Variants in IPO7 observed in about 807,000 individuals in gnomAD.
IPO7 encodes importin 7.
A neutral mutation model predicts 136.4 loss-of-function variants in IPO7; 13 were observed. The observed-to-expected ratio is 0.10, with a 90% CI of 0.06 to 0.15. The LOEUF is 0.15. Among genes scored for constraint, IPO7 ranks in the 10% least tolerant of loss-of-function variants. The probability of loss-of-function intolerance (pLI) is 1.00; values close to 1 mark genes in which losing one functional copy is unlikely to be tolerated. For synonymous variants in IPO7, 403 were observed against 404.4 expected, an observed-to-expected ratio of 1.00 and a Z score of 0.04; for missense variants, 857 against 1,240.6, an observed-to-expected ratio of 0.69 and a Z score of 4.65.
intron 1 of IPO7, among the ~76,000 whole-genome samples, chr11:9,400,268 G>C (rs753769239): frequency 6.6e-6 from 1 of 152,014 alleles, no homozygotes; most frequent in African/African-American, 2.4e-5. Context: ...AGATATGGGG[G>C]CACCGACTGT....
Position 9,420,425 on chromosome 11 carries a change from TGAA to T in IPO7, c.747_749del (p.Glu249del), listed in dbSNP as rs1347955466. Reference sequence around the variant, plus strand: ...TCTTTTTAAAGGAAACACTTCAAGTTGAAGAAGATGATCGACCTGAGTTACCAT... The same window carrying T: ...TCTTTTTAAAGGAAACACTTCAAGTTGAAGATGATCGACCTGAGTTACCAT... On this transcript the variant is annotated inframe_deletion, in exon 7 of 25. Coordinates refer to ENST00000379719, the MANE Select transcript of IPO7 (RefSeq NM_006391.3). 4 of 1,608,002 alleles carry T rather than the reference TGAA, an allele frequency of 2.5e-6. No individual in the cohort carries two copies. Among genetic ancestry groups the T allele is most frequent in the South Asian group, 2.2e-5 (2 of 90,868 alleles).
chr11:9,447,092 G>C lies in IPO7; in HGVS notation c.*1898G>C, dbSNP rs79372327. 2 of 152,264 alleles carry C rather than the reference G, an allele frequency of 1.3e-5. No homozygotes were observed. Among genetic ancestry groups the C allele is most frequent in the Non-Finnish European group, 2.9e-5 (2 of 67,998 alleles). The allele number at this position is 152,264 out of a possible 1,614,324, so 9.4% of individuals were successfully genotyped here. A position where few individuals can be genotyped will look rare whatever the true frequency, so the allele number is the denominator to read the frequency against. ...AGGGGAAATAATGAATAGTATTAAA[G>C]AAACATTCTCGTCTTCCTTTACCTT... On this transcript the variant is annotated 3_prime_UTR_variant, in exon 25 of 25. Coordinates refer to ENST00000379719, the MANE Select transcript of IPO7 (RefSeq NM_006391.3).
At position 9,409,112 on chromosome 11, in the gene IPO7, C is replaced by T. The variant is rs143888428; in HGVS notation, c.320+473C>T. The stretch of plus-strand genomic sequence containing the variant: ...TGCTGTTGTAGGAGAATGCCTTAGT[C>T]ATTTTTTTTTTTTTAAGATTGAGTC... On this transcript the variant is annotated intron_variant, in intron 3 of 24. Transcript: ENST00000379719. Among the ~76,000 whole-genome samples the T allele has an allele frequency of 6.0e-3, 891 of 148,614 alleles. 17 individuals are homozygous for T. The highest frequency in any genetic ancestry group is 0.021 in the African/African-American group (848 of 39,946).
In IPO7 at chr11:9,391,659, A is replaced by G. The variant is rs570433183; in HGVS notation, c.84+6812A>G. ...GCAGAGCTTGCGGTGAGCAGAGATC[A>G]CACCACTGCACTCCAGCCTGGGCGA... On this transcript the variant is annotated intron_variant, in intron 1 of 24. Transcript: ENST00000379719. Among the ~76,000 whole-genome samples the G allele has an allele frequency of 2.0e-5, 3 of 152,356 alleles. No individual in the cohort carries two copies. The South Asian group carries it at 6.2e-4, about 32-fold the overall frequency.
intron 2 of IPO7, among the ~76,000 whole-genome samples, chr11:9,403,821 A>G (rs1854834794): frequency 6.6e-6 from 1 of 152,134 alleles, no homozygotes; most frequent in Non-Finnish European, 1.5e-5. Flanking sequence ...TACTTTTCTG[A>G]ATATTATGTT....
In IPO7 at chr11:9,445,301, A is replaced by G; in HGVS notation, c.*107A>G. The G allele has an allele frequency of 2.2e-6, 1 of 452,426 alleles. No homozygotes were observed. Among genetic ancestry groups the G allele is most frequent in the South Asian group, 2.4e-5 (1 of 42,388 alleles). 28.0% of individuals were successfully genotyped at this position (452,426 alleles called of 1,614,324 possible). A position where few individuals can be genotyped will look rare whatever the true frequency, so the allele number is the denominator to read the frequency against. ...TATCTATTCTAAACTAATAATCAAT[A>G]GATGGACAAAAGAAACAACAACCCC... On this transcript the variant is annotated 3_prime_UTR_variant, in exon 25 of 25. Coordinates refer to ENST00000379719, the MANE Select transcript of IPO7 (RefSeq NM_006391.3).
At chr11:9,443,532 G>T (rs1468253122) in intron 24 of IPO7, among the ~76,000 whole-genome samples, 1 of 149,510 alleles carries the variant, frequency 6.7e-6, no homozygotes, top group South Asian at 2.2e-4. Flanking sequence ...TGGAGGTTGC[G>T]GTGAGCCGAG....
intron 24 of IPO7, among the ~76,000 whole-genome samples, chr11:9,442,656 G>A (rs1439825407): frequency 6.6e-6 from 1 of 151,926 alleles, no homozygotes; most frequent in Non-Finnish European, 1.5e-5. Context: ...CTCATGACCC[G>A]CCCGCCTCGG....
intron 6 of IPO7, among the ~76,000 whole-genome samples, chr11:9,419,827 T>C (rs1855101882): frequency 6.6e-6 from 1 of 152,080 alleles, no homozygotes; most frequent in African/African-American, 2.4e-5. Flanking sequence ...GCCCTTTCCA[T>C]TATGAAATAT....
intron 19 of IPO7, 149 bp from the exon 20 acceptor site, chr11:9,436,122 G>A: frequency 1.7e-6 from 1 of 592,382 alleles, no homozygotes; most frequent in South Asian, 2.1e-5. Context: ...TCTTTCATCT[G>A]TGCAATGAAC....
At chr11:9,407,427 G>A (rs537513625) in intron 2 of IPO7, among the ~76,000 whole-genome samples, 20 of 152,056 alleles carry the variant, frequency 1.3e-4, no homozygotes, top group Non-Finnish European at 2.4e-4. Flanking sequence ...GGTGGTGCAT[G>A]CCTGTAAACC....
chr11:9,384,692 T>G lies in IPO7; in HGVS notation c.-72T>G. On this transcript the variant is annotated 5_prime_UTR_variant, in exon 1 of 25. The change abolishes an upstream ATG in the 5' untranslated region. Transcript: ENST00000379719. ...GCCGCTGCGGAGCGCGGCGGGTCCA[T>G]GTGCGCAGTGAGTGGCGCTATTCCT... is the stretch of plus-strand genomic sequence containing the variant. 25 of 1,261,906 alleles carry G rather than the reference T, an allele frequency of 2.0e-5. No individual in the cohort carries two copies. Among genetic ancestry groups the G allele is most frequent in the Non-Finnish European group, 2.7e-5 (24 of 900,198 alleles). The allele number at this position is 1,261,906 out of a possible 1,614,324, so 78.2% of individuals were successfully genotyped here.
At chr11:9,397,715 G>A (rs1590428277) in intron 1 of IPO7, among the ~76,000 whole-genome samples, 1 of 152,018 alleles carries the variant, frequency 6.6e-6, no homozygotes, top group East Asian at 1.9e-4. Context: ...GGGTAACTTG[G>A]CTATACATCG....
At position 9,432,989 on chromosome 11, in the gene IPO7, G is replaced by GT. The variant is rs397953468; in HGVS notation, c.1882-565dup. On this transcript the variant is annotated intron_variant, in intron 16 of 24. Coordinates refer to ENST00000379719, the MANE Select transcript of IPO7 (RefSeq NM_006391.3). Reference sequence around the variant, plus strand: ...TAACAGATGGGCTATCTTCCAAATGGTTTTTTTTTTTTTTTTGAGATGGAG... The same window carrying GT: ...TAACAGATGGGCTATCTTCCAAATGGTTTTTTTTTTTTTTTTTGAGATGGAG... 5.7e-3 allele frequency: 705 copies of GT among 123,200 alleles called. 8 individuals carry two copies. Among genetic ancestry groups the GT allele is most frequent in the South Asian group, 0.022 (80 of 3,680 alleles). 7.6% of individuals were successfully genotyped at this position (123,200 alleles called of 1,614,324 possible). A position where few individuals can be genotyped will look rare whatever the true frequency, so the allele number is the denominator to read the frequency against.
chr11:9,387,427 A>C (rs1004827648), intron 1 of IPO7, among the ~76,000 whole-genome samples: 40 of 152,236 alleles, frequency 2.6e-4, no homozygotes, highest in Non-Finnish European at 5.4e-4. Context: ...ATCCCTGTTC[A>C]AATGTCTCCT....
intron 6 of IPO7, 58 bp from the exon 7 acceptor site, chr11:9,420,353 T>A: frequency 3.6e-6 from 4 of 1,126,068 alleles, no homozygotes; most frequent in Non-Finnish European, 4.0e-6. Context: ...TATTCTCATC[T>A]CATGCTGTTC....
intron 20 of IPO7, among the ~76,000 whole-genome samples, chr11:9,437,318 C>T (rs1469853922): frequency 1.6e-5 from 2 of 128,456 alleles, no homozygotes; most frequent in Non-Finnish European, 3.7e-5. Context: ...AGTGCAGTGG[C>T]GCGATCTCAG....
intron 10 of IPO7, 33 bp downstream of exon 10, chr11:9,423,909 A>G (rs1322491748): frequency 7.8e-7 from 1 of 1,274,256 alleles, no homozygotes. Flanking sequence ...GAAACAAAAA[A>G]TGTCAGTAAT....
At chr11:9,397,748 G>C (rs1256657953) in intron 1 of IPO7, among the ~76,000 whole-genome samples, 1 of 152,106 alleles carries the variant, frequency 6.6e-6, no homozygotes, top group Non-Finnish European at 1.5e-5. Flanking sequence ...TGATGTTAGA[G>C]CATACTCTGA....
Sources: gnomAD v4.1 joint callset for allele counts (sites outside exome capture counted in the v4.1 genomes callset) on GRCh38, gnomAD v4.1.1 for gene constraint, MANE v1.5 for transcripts, NCBI Gene and HGNC (gene_info 2026-07-23, HGNC 2026-07-21) for gene names.